The following GPHN variants were observed in gnomAD, a reference collection of about 807,000 sequenced individuals.
The protein encoded by GPHN is gephyrin.
Under a neutral mutation model 95.5 loss-of-function variants are expected in GPHN, and 17 were observed. The ratio of observed to expected loss-of-function variants is 0.18; its 90% CI spans 0.12 to 0.27. GPHN has a LOEUF of 0.27. Among genes scored for constraint, GPHN ranks in the 10% least tolerant of loss-of-function variants. GPHN has a pLI of 1.00. For synonymous variants in GPHN, 320 were observed against 322.5 expected (o/e 0.99, Z 0.08); for missense variants, 660 against 978.1 (o/e 0.67, Z 4.34).
chr14:66,525,107 T>C (rs1013026375), intron 1 of GPHN, among the ~76,000 whole-genome samples: 1 of 151,992 alleles, frequency 6.6e-6, no homozygotes, highest in African/African-American at 2.4e-5. Flanking sequence ...TAATTTACAC[T>C]CCCAAGAGTG....
At chr14:66,911,941 C>T (rs954492711) in intron 5 of GPHN, among the ~76,000 whole-genome samples, 7 of 152,052 alleles carry the variant, frequency 4.6e-5, no homozygotes, top group African/African-American at 1.7e-4. Flanking sequence ...TCACCTGTTA[C>T]ATTTTTCGAC....
chr14:67,489,505 C>A, the GPHN span, among the ~76,000 whole-genome samples: 1 of 152,140 alleles, frequency 6.6e-6, no homozygotes, highest in Non-Finnish European at 1.5e-5. Flanking sequence ...AAGCAGAGAC[C>A]ACCGGCCTGT....
intron 1 of GPHN, among the ~76,000 whole-genome samples, chr14:66,561,630 T>A (rs961243775): frequency 6.6e-6 from 1 of 152,194 alleles, no homozygotes; most frequent in Admixed American, 6.5e-5. Context: ...TAGTTTATCT[T>A]ATATCTAGTT....
At chr14:66,594,656 A>G (rs2061897533) in intron 1 of GPHN, among the ~76,000 whole-genome samples, 1 of 152,234 alleles carries the variant, frequency 6.6e-6, no homozygotes, top group African/African-American at 2.4e-5. Flanking sequence ...CATCATATAT[A>G]TATAAATCAT....
chr14:67,171,965 C>T (rs2082626285), intron 21 of GPHN, among the ~76,000 whole-genome samples: 1 of 152,152 alleles, frequency 6.6e-6, no homozygotes, highest in South Asian at 2.1e-4. Context: ...AAGCATGAAG[C>T]CCAGCTGAAG....
intron 3 of GPHN, among the ~76,000 whole-genome samples, chr14:66,823,577 C>A (rs1295743846): frequency 6.6e-6 from 1 of 151,916 alleles, no homozygotes; most frequent in Non-Finnish European, 1.5e-5. Context: ...TTAATCATTG[C>A]ACAGAAAAGT....
At chr14:66,836,848 C>T (rs1183806839) in intron 4 of GPHN, among the ~76,000 whole-genome samples, 3 of 151,992 alleles carry the variant, frequency 2.0e-5, no homozygotes, top group African/African-American at 7.3e-5. Context: ...AAAAAATGCT[C>T]ACCGTCACTG....
chr14:67,514,740 A>T, the GPHN span, among the ~76,000 whole-genome samples: 41 of 151,914 alleles, frequency 2.7e-4, no homozygotes, highest in Non-Finnish European at 5.6e-4. Flanking sequence ...GTGTCAACCT[A>T]CCGCTGCCCC....
rs73276954 is a variant in GPHN, at chr14:67,100,806, T to C, written c.1238-50T>C. On this transcript the variant is annotated intron_variant, in intron 12 of 22. Transcript: ENST00000478722. ...ATTCCAATTTTAGGTTCTTGTTCCA[T>C]GCTGTAGGTCCATACTGATGTTTGT... 2,736 of 1,183,664 alleles carry C rather than the reference T, an allele frequency of 2.3e-3. 38 individuals carry two copies. The African/African-American group carries it at 0.033, about 14-fold the overall frequency. 73.3% of individuals were successfully genotyped at this position (1,183,664 alleles called of 1,614,324 possible).
intron 18 of GPHN, among the ~76,000 whole-genome samples, chr14:67,144,250 A>ATATATATATATATATAT (rs1555502004): frequency 3.5e-5 from 2 of 57,770 alleles, no homozygotes; most frequent in Non-Finnish European, 5.7e-5. Context: ...AAAAAAAAAA[A>ATATATATATATATATAT]ATATATATAT....
chr14:67,089,254 G>C (rs1420137180), intron 12 of GPHN, among the ~76,000 whole-genome samples, 179 bp downstream of exon 12: 2 of 145,170 alleles, frequency 1.4e-5, no homozygotes, highest in African/African-American at 5.0e-5. Flanking sequence ...ATGTTAATCT[G>C]CACCTGTAAA....
the GPHN span, among the ~76,000 whole-genome samples, chr14:67,315,285 T>TAA: frequency 6.9e-6 from 1 of 143,898 alleles, no homozygotes; most frequent in African/African-American, 2.6e-5. Context: ...TTTTTTTTTT[T>TAA]TTTTTTTTTG....
At chr14:67,307,125 C>G in the GPHN span, among the ~76,000 whole-genome samples, 2 of 152,156 alleles carry the variant, frequency 1.3e-5, no homozygotes. Context: ...AGTGGCTGCT[C>G]TTTCAGTAGC....
At chr14:67,639,633 A>G in the GPHN span, among the ~76,000 whole-genome samples, 1 of 152,156 alleles carries the variant, frequency 6.6e-6, no homozygotes, top group African/African-American at 2.4e-5. Flanking sequence ...CAAGATCTGT[A>G]CAGTACACTG....
At chr14:67,677,088 A>G in the GPHN span, 1 of 152,194 alleles carries the variant, frequency 6.6e-6, no homozygotes, top group Non-Finnish European at 1.5e-5. Context: ...GTTAAAATAT[A>G]ATTGTCATTC....
the GPHN span, chr14:67,577,531 TC>T: frequency 1.5e-6 from 1 of 675,394 alleles, no homozygotes; most frequent in Non-Finnish European, 2.6e-6. Flanking sequence ...GAAGGAAACT[TC>T]CCAGGGTCCC....
At chr14:67,577,983 G>A in the GPHN span, 2 of 1,584,160 alleles carry the variant, frequency 1.3e-6, no homozygotes, top group African/African-American at 2.7e-5. Flanking sequence ...TGAACCCAGG[G>A]GATGCTGGTC....
At chr14:67,161,897 TC>T (rs777954280) in intron 19 of GPHN, among the ~76,000 whole-genome samples, 17 of 152,254 alleles carry the variant, frequency 1.1e-4, no homozygotes, top group Non-Finnish European at 1.9e-4. Context: ...ACTCTTTTTT[TC>T]AATCTGTTAT....
intron 21 of GPHN, among the ~76,000 whole-genome samples, chr14:67,175,529 T>G (rs2082886799): frequency 6.6e-6 from 1 of 152,248 alleles, no homozygotes; most frequent in Non-Finnish European, 1.5e-5. Context: ...CCAGCTTTGT[T>G]GTTTTTGCTT....
Sources: gnomAD v4.1 joint callset for allele counts (sites outside exome capture counted in the v4.1 genomes callset) on GRCh38, gnomAD v4.1.1 for gene constraint, MANE v1.5 for transcripts, NCBI Gene and HGNC (gene_info 2026-07-23, HGNC 2026-07-21) for gene names.